The following ZBTB20 variants were observed in gnomAD, a reference collection of about 807,000 sequenced individuals.
ZBTB20 encodes the protein zinc finger and BTB domain-containing protein 20.
Under a neutral mutation model 56.9 loss-of-function variants are expected in ZBTB20, and 9 were observed. The observed-to-expected ratio is 0.16, with a 90% CI of 0.10 to 0.28. The LOEUF (loss-of-function observed/expected upper bound fraction) is 0.28, where lower values mean the gene tolerates loss of function less well. Ranked by LOEUF, ZBTB20 falls within the 10% of genes least tolerant of loss-of-function variation. The pLI, the probability that ZBTB20 is intolerant of heterozygous loss-of-function variation, is 1.00. For synonymous variants in ZBTB20, 417 were observed against 420.7 expected (o/e 0.99, Z 0.11); for missense variants, 655 against 1,003.0 (o/e 0.65, Z 4.69).
chr3:114,899,214 C>G (rs2075010033), intron 4 of ZBTB20, among the ~76,000 whole-genome samples: 1 of 152,104 alleles, frequency 6.6e-6, no homozygotes, highest in Non-Finnish European at 1.5e-5. Flanking sequence ...TTCTCTCTCA[C>G]TTCTACCCCA....
chr3:114,659,777 A>T (rs549107374), intron 6 of ZBTB20, among the ~76,000 whole-genome samples: 1 of 152,270 alleles, frequency 6.6e-6, no homozygotes, highest in African/African-American at 2.4e-5. Context: ...ATAATTCATA[A>T]AGGAAAAGAT....
chr3:114,773,483 T>C (rs1273920148), intron 5 of ZBTB20, among the ~76,000 whole-genome samples: 1 of 152,170 alleles, frequency 6.6e-6, no homozygotes, highest in African/African-American at 2.4e-5. Flanking sequence ...TTCCTTCTTT[T>C]AGTCATATCC....
intron 6 of ZBTB20, among the ~76,000 whole-genome samples, chr3:114,621,758 AG>A (rs1273139904): frequency 1.3e-5 from 2 of 152,190 alleles, no homozygotes; most frequent in Admixed American, 1.3e-4. Context: ...GGTGAGCACT[AG>A]GAAATTGAGT....
Position 114,680,721 on chromosome 3 carries a change from A to G in ZBTB20, c.-295+12807T>C, listed in dbSNP as rs570434732. Among the ~76,000 whole-genome samples, 4 of 152,358 alleles carry G rather than the reference A, an allele frequency of 2.6e-5. No individual in the cohort carries two copies. In the East Asian group the frequency reaches 7.7e-4, roughly 29 times the overall value. On this transcript the variant is annotated intron_variant, in intron 6 of 11. Coordinates refer to ENST00000675478, the MANE Select transcript of ZBTB20 (RefSeq NM_001348800.3). ...ACCTTTACACATCAACTAGATACAA[A>G]AGAGAAATCTATTGTTTGACAATGA... is the stretch of plus-strand genomic sequence containing the variant.
intron 7 of ZBTB20, among the ~76,000 whole-genome samples, chr3:114,495,972 G>C (rs1160192816): frequency 1.3e-5 from 2 of 152,048 alleles, no homozygotes; most frequent in Admixed American, 6.5e-5. Context: ...TTTCCTAAGA[G>C]TTGGAATCCC....
intron 7 of ZBTB20, among the ~76,000 whole-genome samples, chr3:114,460,266 A>T (rs1411215486): frequency 6.6e-6 from 1 of 152,164 alleles, no homozygotes; most frequent in African/African-American, 2.4e-5. Context: ...ACACACTACA[A>T]AGGAACTATA....
intron 4 of ZBTB20, among the ~76,000 whole-genome samples, chr3:114,897,196 T>C (rs1183715268): frequency 2.0e-5 from 3 of 152,154 alleles, no homozygotes; most frequent in Non-Finnish European, 4.4e-5. Context: ...GGTAACTTGA[T>C]TGAGACCATA....
chr3:115,089,853 G>A (rs532133940), intron 1 of ZBTB20, among the ~76,000 whole-genome samples: 10 of 151,802 alleles, frequency 6.6e-5, no homozygotes, highest in South Asian at 6.2e-4. Flanking sequence ...AGTTCTAATC[G>A]GTTTTCAAGC....
chr3:114,748,189 T>C (rs2067209376), intron 5 of ZBTB20, among the ~76,000 whole-genome samples: 2 of 152,136 alleles, frequency 1.3e-5, no homozygotes, highest in South Asian at 4.1e-4. Flanking sequence ...GATGAGTAAT[T>C]CAAAGACCCA....
At chr3:114,397,315 T>C (rs1407046958) in intron 7 of ZBTB20, among the ~76,000 whole-genome samples, 2 of 152,116 alleles carry the variant, frequency 1.3e-5, no homozygotes, top group East Asian at 1.9e-4. Context: ...TCTTTTTCAG[T>C]TGATGAGCTA....
In ZBTB20 at chr3:114,911,059, A is replaced by C. The variant is rs181498973; in HGVS notation, c.-455-10717T>G. Among the ~76,000 whole-genome samples, 443 of 151,990 alleles carry C rather than the reference A, an allele frequency of 2.9e-3. 3 individuals carry two copies. The highest frequency in any genetic ancestry group is 0.01 in the African/African-American group (419 of 41,480). The stretch of plus-strand genomic sequence containing the variant: ...CTATTCTTGTTCTTCAATACCCTAC[A>C]TGAGAGAACAGGAGGTCCCTCAGAC... On this transcript the variant is annotated intron_variant, in intron 3 of 11. Coordinates refer to ENST00000675478, the MANE Select transcript of ZBTB20 (RefSeq NM_001348800.3).
chr3:114,372,200 A>G (rs758299176), intron 10 of ZBTB20, among the ~76,000 whole-genome samples: 36 of 152,236 alleles, frequency 2.4e-4, no homozygotes, highest in Non-Finnish European at 4.1e-4. Flanking sequence ...GAACAGAGGA[A>G]GCACACATGA....
intron 5 of ZBTB20, 142 bp downstream of exon 5, chr3:114,800,959 A>C (rs2071660691): frequency 6.6e-6 from 1 of 151,690 alleles, no homozygotes; most frequent in Non-Finnish European, 1.5e-5. Flanking sequence ...TTTTTTTTTT[A>C]AGAAGAAAAT....
chr3:114,536,635 A>G (rs1197480817), intron 6 of ZBTB20, among the ~76,000 whole-genome samples: 1 of 152,172 alleles, frequency 6.6e-6, no homozygotes, highest in African/African-American at 2.4e-5. Flanking sequence ...TTAGAAAAAA[A>G]CAATTTTAAA....
intron 4 of ZBTB20, among the ~76,000 whole-genome samples, chr3:114,832,030 C>A (rs550365342): frequency 6.6e-6 from 1 of 151,978 alleles, no homozygotes; most frequent in Non-Finnish European, 1.5e-5. Context: ...ATTGTTTTCA[C>A]GAAACAGAAT....
At chr3:114,882,612 T>C (rs1461712259) in intron 4 of ZBTB20, among the ~76,000 whole-genome samples, 1 of 151,914 alleles carries the variant, frequency 6.6e-6, no homozygotes, top group African/African-American at 2.4e-5. Context: ...GAGGAAAAGG[T>C]AAAATATAAT....
intron 5 of ZBTB20, among the ~76,000 whole-genome samples, chr3:114,696,569 A>G (rs1239871750): frequency 6.6e-6 from 1 of 152,056 alleles, no homozygotes; most frequent in Non-Finnish European, 1.5e-5. Context: ...GGCAGAAACT[A>G]AAAAGGAAGA....
At chr3:114,828,933 ATAAAGATGTGT>A (rs1465911309) in intron 4 of ZBTB20, among the ~76,000 whole-genome samples, 1 of 151,900 alleles carries the variant, frequency 6.6e-6, no homozygotes, top group Non-Finnish European at 1.5e-5. Flanking sequence ...ATGAATCTGC[ATAAAGATGTGT>A]TTTAAATGCC....
chr3:115,083,592 T>C (rs918804007), intron 1 of ZBTB20, among the ~76,000 whole-genome samples: 2 of 152,050 alleles, frequency 1.3e-5, no homozygotes, highest in Admixed American at 6.6e-5. Context: ...AAAATAAATA[T>C]AGAAAGAATA....
Sources: allele counts gnomAD v4.1 joint callset (sites outside exome capture counted in the v4.1 genomes callset), GRCh38; gene constraint gnomAD v4.1.1; transcripts MANE v1.5; gene names NCBI Gene and HGNC (gene_info 2026-07-23, HGNC 2026-07-21).